Variants in EYA3 observed in about 807,000 individuals in gnomAD.
EYA3 encodes the protein protein phosphatase EYA3.
A neutral mutation model predicts 80.0 loss-of-function variants in EYA3; 39 were observed. That is an observed-to-expected ratio of 0.49 (90% CI 0.38 to 0.64). EYA3 has a LOEUF of 0.64. Among genes scored for constraint, EYA3 ranks in the 30% least tolerant of loss-of-function variants. EYA3 has a pLI of 0.00. For synonymous variants in EYA3, 206 were observed against 232.8 expected (o/e 0.88, Z 1.05); for missense variants, 523 against 676.1 (o/e 0.77, Z 2.51).
At chr1:27,986,663 C>T (rs995364822) in intron 16 of EYA3, among the ~76,000 whole-genome samples, 1 of 152,054 alleles carries the variant, frequency 6.6e-6, no homozygotes, top group African/African-American at 2.4e-5. Flanking sequence ...TCCCAAAGTG[C>T]TGGGATTACA....
At chr1:28,011,884 T>C (rs1168237966) in intron 9 of EYA3, among the ~76,000 whole-genome samples, 2 of 152,318 alleles carry the variant, frequency 1.3e-5, no homozygotes, top group Admixed American at 6.5e-5. Flanking sequence ...ATAAAAACTG[T>C]ATATGCTTTA....
intron 16 of EYA3, among the ~76,000 whole-genome samples, chr1:27,986,998 G>A (rs765983081): frequency 1.3e-5 from 2 of 152,098 alleles, no homozygotes; most frequent in Non-Finnish European, 2.9e-5. Flanking sequence ...CACTGTACCC[G>A]GCCTCTTAAC....
chr1:27,991,141 C>T (rs1414053917), intron 14 of EYA3, among the ~76,000 whole-genome samples: 4 of 151,930 alleles, frequency 2.6e-5, no homozygotes, highest in African/African-American at 7.3e-5. Flanking sequence ...AACCAAAGTG[C>T]GAAAAATTAG....
At chr1:28,067,493 C>T (rs991887565) in intron 1 of EYA3, among the ~76,000 whole-genome samples, 1 of 152,054 alleles carries the variant, frequency 6.6e-6, no homozygotes, top group Admixed American at 6.6e-5. Flanking sequence ...AGACATTAAG[C>T]TAAAATTAGA....
intron 1 of EYA3, among the ~76,000 whole-genome samples, chr1:28,069,628 A>G: frequency 6.9e-6 from 1 of 145,626 alleles, no homozygotes; most frequent in Non-Finnish European, 1.5e-5. Context: ...GGAAGAGGAG[A>G]AGGAAGGAAG....
intron 1 of EYA3, among the ~76,000 whole-genome samples, chr1:28,063,433 C>T (rs1461155466): frequency 4.0e-5 from 6 of 148,356 alleles, no homozygotes; most frequent in South Asian, 4.3e-4. Flanking sequence ...CTCGGCTCAC[C>T]GCAACTTCCA....
chr1:27,993,342 A>C, intron 14 of EYA3, 58 bp downstream of exon 14: 1 of 1,550,808 alleles, frequency 6.4e-7, no homozygotes, highest in Non-Finnish European at 8.7e-7. Context: ...ATCCCTGGAA[A>C]GAAAAGGAGG....
intron 7 of EYA3, among the ~76,000 whole-genome samples, chr1:28,026,505 C>A (rs1445468229): frequency 6.6e-6 from 1 of 152,060 alleles, no homozygotes; most frequent in Non-Finnish European, 1.5e-5. Context: ...GCAGTCCCAG[C>A]TACTGGAGAG....
At chr1:28,075,252 A>C (rs1189963565) in intron 1 of EYA3, among the ~76,000 whole-genome samples, 1 of 152,224 alleles carries the variant, frequency 6.6e-6, no homozygotes, top group Admixed American at 6.5e-5. Context: ...AGAGCTTCTT[A>C]AATTTCCTTA....
intron 8 of EYA3, among the ~76,000 whole-genome samples, chr1:28,016,009 A>C (rs141872670): frequency 6.6e-6 from 1 of 152,310 alleles, no homozygotes; most frequent in East Asian, 1.9e-4. Context: ...ATCAGTTGGA[A>C]GCTGTAATTA....
chr1:27,994,345 T>C (rs1640278032), intron 13 of EYA3, among the ~76,000 whole-genome samples: 1 of 152,164 alleles, frequency 6.6e-6, no homozygotes, highest in African/African-American at 2.4e-5. Flanking sequence ...CCAGTTAAGC[T>C]TTCAGATGAT....
At chr1:28,017,358 G>T (rs1008426524) in intron 7 of EYA3, 119 bp from the exon 8 acceptor site, 2 of 697,420 alleles carry the variant, frequency 2.9e-6, no homozygotes, top group Non-Finnish European at 4.7e-6. Flanking sequence ...ATTGGCAAAG[G>T]AAACAAACAC....
At chr1:28,085,360 G>A (rs1295009504) in intron 1 of EYA3, among the ~76,000 whole-genome samples, 1 of 152,062 alleles carries the variant, frequency 6.6e-6, no homozygotes, top group Non-Finnish European at 1.5e-5. Context: ...GCTGTGGGAG[G>A]ATGACTTCAG....
At chr1:28,072,634 T>C (rs1294558548) in intron 1 of EYA3, among the ~76,000 whole-genome samples, 1 of 152,156 alleles carries the variant, frequency 6.6e-6, no homozygotes, top group African/African-American at 2.4e-5. Context: ...GAATGCAAAA[T>C]GGTACAGTTC....
intron 1 of EYA3, among the ~76,000 whole-genome samples, chr1:28,072,945 G>A (rs1448604207): frequency 6.6e-6 from 1 of 150,616 alleles, no homozygotes; most frequent in Non-Finnish European, 1.5e-5. Context: ...ATGCTAAGTG[G>A]ACAAAGCCAG....
intron 14 of EYA3, 145 bp from the exon 15 acceptor site, chr1:27,989,956 G>T: frequency 2.5e-6 from 1 of 401,500 alleles, no homozygotes; most frequent in Non-Finnish European, 4.5e-6. Flanking sequence ...ATACATATAC[G>T]TATTTTTTTC....
intron 1 of EYA3, among the ~76,000 whole-genome samples, chr1:28,064,431 CAAAAAA>C (rs35425305): frequency 7.8e-6 from 1 of 127,610 alleles, no homozygotes; most frequent in Non-Finnish European, 1.6e-5. Context: ...GACTCTGCCT[CAAAAAA>C]AAAAAAAGAA....
At chr1:28,018,462 T>A (rs1282597662) in intron 7 of EYA3, among the ~76,000 whole-genome samples, 2 of 152,200 alleles carry the variant, frequency 1.3e-5, no homozygotes, top group African/African-American at 4.8e-5. Context: ...TGGTTCCTAC[T>A]GCAGGTACAC....
At chr1:27,987,365 T>C (rs1389062816) in intron 16 of EYA3, among the ~76,000 whole-genome samples, 1 of 152,224 alleles carries the variant, frequency 6.6e-6, no homozygotes, top group Non-Finnish European at 1.5e-5. Context: ...TTCATCCACA[T>C]TTGACATTTG....
Sources: gnomAD v4.1 joint callset for allele counts (sites outside exome capture counted in the v4.1 genomes callset) on GRCh38, gnomAD v4.1.1 for gene constraint, MANE v1.5 for transcripts, NCBI Gene and HGNC (gene_info 2026-07-23, HGNC 2026-07-21) for gene names.